EPG5: variants seen among roughly 807,000 people sequenced by gnomAD.
EPG5 encodes the protein ectopic P granules protein 5 homolog.
A neutral mutation model predicts 302.7 loss-of-function variants in EPG5; 159 were observed. The observed-to-expected ratio is 0.53, with a 90% CI of 0.46 to 0.60. The LOEUF is 0.60. Ranked by LOEUF, EPG5 falls within the 20% of genes least tolerant of loss-of-function variation. EPG5 has a pLI of 0.00. For synonymous variants in EPG5, 1,158 were observed against 1,136.8 expected (o/e 1.02, Z -0.37); for missense variants, 2,896 against 3,092.4 (o/e 0.94, Z 1.51).
chr18:45,913,524 T>G (rs2049959195), intron 21 of EPG5, among the ~76,000 whole-genome samples, 182 bp downstream of exon 21: 2 of 152,212 alleles, frequency 1.3e-5, no homozygotes, highest in South Asian at 4.1e-4. Flanking sequence ...AGACTCTTGT[T>G]AAACAAACCT....
At position 45,952,504 on chromosome 18, in the gene EPG5, G is replaced by C. The variant is rs1431365834; in HGVS notation, c.1148C>G (p.Ser383Cys). The change falls in exon 3 of 44, where the codon TCT becomes TGT. Residue 383 changes from serine (S) to cysteine (C), a missense_variant. Ser to Cys is a moderately radical substitution (Grantham distance 112, BLOSUM62 -1). This residue lies in a region of EPG5 where 1,390 missense variants were observed against 1,430.0 expected (regional missense o/e 0.97). Transcript: ENST00000282041. ...CAATCTTGAGAGCACAGAAGTATAA[G>C]AATGAAGGGCCAGGGTCTGGTGGAG... ...EHLHQTLALH[S>C]YTSVLSRLQV... The C allele has an allele frequency of 1.2e-6, 2 of 1,614,180 alleles. No individual in the cohort carries two copies. Among genetic ancestry groups the C allele is most frequent in the African/African-American group, 1.3e-5 (1 of 75,058 alleles).
intron 40 of EPG5, among the ~76,000 whole-genome samples, chr18:45,859,582 T>C (rs1241902986): frequency 6.6e-6 from 1 of 152,216 alleles, no homozygotes; most frequent in African/African-American, 2.4e-5. Flanking sequence ...TCTGACAGTT[T>C]AGAGGTAGAA....
intron 10 of EPG5, among the ~76,000 whole-genome samples, chr18:45,936,720 CAAAAA>C (rs762675563): frequency 3.7e-5 from 2 of 53,844 alleles, no homozygotes; most frequent in Admixed American, 2.2e-4. Context: ...GACTCCATTT[CAAAAA>C]AAAAAAAAAA....
rs1472027391 is a variant in EPG5 at position 45,946,775 on chromosome 18, G to C, written c.1572-7C>G. 3.1e-6 allele frequency: 5 copies of C among 1,612,510 alleles called. No homozygotes were observed. The African/African-American group carries it at 4.0e-5, about 13-fold the overall frequency. On this transcript the variant is annotated splice_polypyrimidine_tract_variant and splice_region_variant and intron_variant, in intron 6 of 43. Transcript: ENST00000282041. The stretch of plus-strand genomic sequence containing the variant: ...CATAAACTCAGCTCGATTTCTAAAG[G>C]ACAAGAATAATCACTCCCATCACTT...
chr18:45,838,566 G>A, the EPG5 span: 1 of 997,992 alleles, frequency 1.0e-6, no homozygotes, highest in African/African-American at 1.7e-5. Context: ...AGAATCTTTC[G>A]CCCAAGGCCA....
intron 27 of EPG5, among the ~76,000 whole-genome samples, chr18:45,895,713 A>C (rs1002187608): frequency 2.6e-5 from 4 of 152,236 alleles, no homozygotes; most frequent in African/African-American, 9.6e-5. Context: ...AATCAAAACT[A>C]CTGAACATAG....
chr18:45,923,175 CTAATGGTCAATAGTAT>C, intron 15 of EPG5, 77 bp downstream of exon 15: 1 of 1,350,020 alleles, frequency 7.4e-7, no homozygotes, highest in Non-Finnish European at 1.0e-6. Context: ...CTTAGGATAC[CTAATGGTCAATAGTAT>C]AAGTCTATCA....
At chr18:45,914,300 T>A (rs1353824450) in intron 20 of EPG5, among the ~76,000 whole-genome samples, 3 of 152,140 alleles carry the variant, frequency 2.0e-5, no homozygotes, top group African/African-American at 7.2e-5. Flanking sequence ...GGTAAGAGAA[T>A]CCGCTAGGCA....
the EPG5 span, among the ~76,000 whole-genome samples, chr18:45,827,212 G>A: frequency 7.4e-4 from 112 of 152,242 alleles, no homozygotes; most frequent in African/African-American, 2.4e-3. Context: ...CACCATGCCC[G>A]GCAGAGAAAG....
intron 9 of EPG5, among the ~76,000 whole-genome samples, chr18:45,942,197 C>A (rs2050681296): frequency 6.6e-6 from 1 of 152,032 alleles, no homozygotes; most frequent in Non-Finnish European, 1.5e-5. Context: ...TGCACTCCAG[C>A]CCGGGTGACA....
intron 37 of EPG5, 26 bp downstream of exon 37, chr18:45,867,537 T>G: frequency 6.2e-7 from 1 of 1,605,088 alleles, no homozygotes; most frequent in Non-Finnish European, 8.5e-7. Flanking sequence ...CTTGCCGAAT[T>G]TTTGCCATAA....
chr18:45,951,936 T>G (rs951059437), intron 3 of EPG5, among the ~76,000 whole-genome samples: 2 of 152,242 alleles, frequency 1.3e-5, no homozygotes, highest in African/African-American at 4.8e-5. Context: ...AAAGACTAAT[T>G]TCTTAAAATC....
intron 13 of EPG5, among the ~76,000 whole-genome samples, chr18:45,928,184 G>A (rs1241366594): frequency 6.6e-6 from 1 of 150,932 alleles, no homozygotes; most frequent in African/African-American, 2.5e-5. Context: ...CTGCACTCCA[G>A]CCTGGGTAAC....
At chr18:45,937,277 C>CACAT (rs2050554482) in intron 10 of EPG5, among the ~76,000 whole-genome samples, 1 of 116,098 alleles carries the variant, frequency 8.6e-6, no homozygotes, top group Non-Finnish European at 1.8e-5. Flanking sequence ...CACACACACA[C>CACAT]ATATGTATAC....
At chr18:45,890,418 G>C (rs1349522825) in intron 27 of EPG5, among the ~76,000 whole-genome samples, 1 of 151,998 alleles carries the variant, frequency 6.6e-6, no homozygotes, top group Non-Finnish European at 1.5e-5. Flanking sequence ...AACAAAATAA[G>C]ATAAAATATG....
chr18:45,954,361 G>A (rs370309851), intron 2 of EPG5, 33 bp downstream of exon 2: 21 of 1,543,902 alleles, frequency 1.4e-5, no homozygotes, highest in African/African-American at 1.2e-4. Flanking sequence ...TAGCAGCTCC[G>A]CTGCAAATTC....
intron 30 of EPG5, among the ~76,000 whole-genome samples, chr18:45,882,964 G>A (rs191553680): frequency 8.0e-4 from 116 of 145,212 alleles, no homozygotes; most frequent in African/African-American, 2.2e-3. Flanking sequence ...CCGAGATCAC[G>A]CCATTGCACT....
At chr18:45,842,440 T>TGAGAGAGA in the EPG5 span, 35 of 457,226 alleles carry the variant, frequency 7.7e-5, no homozygotes, top group South Asian at 5.8e-4. Flanking sequence ...TGTGTGTGTG[T>TGAGAGAGA]GTGAGAGAGA....
the EPG5 span, among the ~76,000 whole-genome samples, chr18:45,826,291 A>C: frequency 1.3e-5 from 2 of 152,102 alleles, no homozygotes; most frequent in African/African-American, 4.8e-5. Flanking sequence ...GGTGAGTGGG[A>C]ACACTGTGGC....
Sources: allele counts gnomAD v4.1 joint callset (sites outside exome capture counted in the v4.1 genomes callset), GRCh38; gene constraint gnomAD v4.1.1; regional missense constraint gnomAD v4.1.1; transcripts MANE v1.5; gene names NCBI Gene and HGNC (gene_info 2026-07-23, HGNC 2026-07-21).